The following SLC12A2 variants were observed in gnomAD, a reference collection of about 807,000 sequenced individuals.
SLC12A2 encodes the protein Na-K-2Cl cotransporter 1.
Under a neutral mutation model 136.3 loss-of-function variants are expected in SLC12A2, and 67 were observed. That is an observed-to-expected ratio of 0.49 (90% CI 0.40 to 0.60). SLC12A2 has a LOEUF of 0.60. SLC12A2 is among the 20% of genes least tolerant of loss of function. SLC12A2 has a pLI of 0.00. For synonymous variants in SLC12A2, 619 were observed against 562.9 expected, an observed-to-expected ratio of 1.10 and a Z score of -1.41; for missense variants, 1,322 against 1,534.7, an observed-to-expected ratio of 0.86 and a Z score of 2.32.
In SLC12A2 at chr5:128,177,169, A is replaced by G; in HGVS notation, c.2977+17A>G. 1 of 1,580,592 alleles carries G rather than the reference A, an allele frequency of 6.3e-7. No individual in the cohort carries two copies. The highest frequency in any genetic ancestry group is 2.3e-5 in the East Asian group (1 of 43,410). ...TGAAAAAAGGCAGGCATTTTTCATC[A>G]TTTTATTTTAAACCCTTTTTCATAC... On this transcript the variant is annotated intron_variant, in intron 21 of 26. Coordinates refer to ENST00000262461, the MANE Select transcript of SLC12A2 (RefSeq NM_001046.3).
intron 10 of SLC12A2, among the ~76,000 whole-genome samples, chr5:128,144,662 C>T (rs1296750505): frequency 2.0e-5 from 3 of 152,158 alleles, no homozygotes; most frequent in Admixed American, 6.6e-5. Context: ...CCTTCTGTTC[C>T]GAGTGGACTC....
At chr5:128,109,890 G>A in intron 1 of SLC12A2, 1 of 792,924 alleles carries the variant, frequency 1.3e-6, no homozygotes, top group South Asian at 1.3e-5. Flanking sequence ...CATGAGAATT[G>A]TGACTGGCCT....
At chr5:128,103,013 C>T (rs931059409) in intron 1 of SLC12A2, among the ~76,000 whole-genome samples, 1 of 151,998 alleles carries the variant, frequency 6.6e-6, no homozygotes, top group Non-Finnish European at 1.5e-5. Flanking sequence ...TGTGATGTTT[C>T]TAGTTTTTGA....
chr5:128,114,563 A>T, intron 3 of SLC12A2, 23 bp from the exon 4 acceptor site: 1 of 1,487,040 alleles, frequency 6.7e-7, no homozygotes. Context: ...AAGTATTCTC[A>T]TTGTCTTTCT....
intron 1 of SLC12A2, among the ~76,000 whole-genome samples, chr5:128,102,551 C>T (rs1180165039): frequency 1.5e-5 from 2 of 129,426 alleles, no homozygotes; most frequent in Non-Finnish European, 3.2e-5. Flanking sequence ...TAGTTTGTAA[C>T]ACTCATTTAT....
Position 128,166,758 on chromosome 5 carries a change from ATAAT to A in SLC12A2, c.2617-998_2617-995del, listed in dbSNP as rs531060729. ...GTGTTGCTTATATAACATTGTGAAT[ATAAT>A]TAATACTATTGAATTGTACACTTAA... On this transcript the variant is annotated intron_variant, in intron 17 of 26. Transcript: ENST00000262461. Among the ~76,000 whole-genome samples, 20 of 152,228 alleles carry A rather than the reference ATAAT, an allele frequency of 1.3e-4. No homozygotes were observed. In the South Asian group the frequency reaches 2.5e-3, roughly 19 times the overall value.
rs190276711 is a variant in SLC12A2 at position 128,093,098 on chromosome 5, A to G, written c.756+8388A>G. Reference sequence around the variant, plus strand: ...ATAGTTCTTGTTAAAGTCACAAGTGATCTCCATTCTTATCACAAATTTCAG... The same window carrying G: ...ATAGTTCTTGTTAAAGTCACAAGTGGTCTCCATTCTTATCACAAATTTCAG... On this transcript the variant is annotated intron_variant, in intron 1 of 26. Coordinates refer to ENST00000262461, the MANE Select transcript of SLC12A2 (RefSeq NM_001046.3). Among the ~76,000 whole-genome samples the G allele has an allele frequency of 5.0e-3, 766 of 152,046 alleles. 7 individuals carry two copies. Among genetic ancestry groups the G allele is most frequent in the African/African-American group, 0.017 (714 of 41,462 alleles).
At chr5:128,158,523 G>A (rs889211335) in intron 16 of SLC12A2, among the ~76,000 whole-genome samples, 1 of 152,156 alleles carries the variant, frequency 6.6e-6, no homozygotes, top group African/African-American at 2.4e-5. Flanking sequence ...TTCTGGAAAG[G>A]AAGTGATCTC....
chr5:128,124,201 G>T (rs1761692895), intron 4 of SLC12A2, among the ~76,000 whole-genome samples: 1 of 152,192 alleles, frequency 6.6e-6, no homozygotes. Context: ...ACTAGGATCT[G>T]TTTCTTGTTT....
At chr5:128,180,832 G>C (rs1763682804) in intron 22 of SLC12A2, 51 bp from the exon 23 acceptor site, 1 of 1,062,196 alleles carries the variant, frequency 9.4e-7, no homozygotes, top group Admixed American at 1.9e-5. Flanking sequence ...TGATGTTCCT[G>C]ATTAAGAAAT....
At chr5:128,094,293 C>T (rs1760442578) in intron 1 of SLC12A2, among the ~76,000 whole-genome samples, 1 of 151,352 alleles carries the variant, frequency 6.6e-6, no homozygotes, top group African/African-American at 2.4e-5. Context: ...TAATTCTTTA[C>T]ATATTAATGT....
chr5:128,178,479 A>G (rs1439754404), intron 21 of SLC12A2, 88 bp from the exon 22 acceptor site: 1 of 972,858 alleles, frequency 1.0e-6, no homozygotes. Flanking sequence ...ACATCTGAAT[A>G]TACAAACATT....
At chr5:128,131,682 C>T (rs1383770980) in intron 5 of SLC12A2, among the ~76,000 whole-genome samples, 8 of 151,040 alleles carry the variant, frequency 5.3e-5, no homozygotes, top group African/African-American at 1.2e-4. Context: ...CCAGCCTGGG[C>T]GACAGAGCAA....
chr5:128,164,602 CAA>C (rs1328683639), intron 17 of SLC12A2, among the ~76,000 whole-genome samples: 1 of 152,128 alleles, frequency 6.6e-6, no homozygotes, highest in African/African-American at 2.4e-5. Context: ...ACCTGTTACA[CAA>C]AGTGTCAAAT....
intron 1 of SLC12A2, among the ~76,000 whole-genome samples, chr5:128,102,461 A>G (rs1342124577): frequency 2.0e-5 from 3 of 151,828 alleles, no homozygotes; most frequent in African/African-American, 7.3e-5. Context: ...GAAGACTATT[A>G]GTCAGTTTTT....
chr5:128,169,513 C>T (rs1447856587), intron 18 of SLC12A2: 4 of 152,182 alleles, frequency 2.6e-5, no homozygotes, highest in African/African-American at 9.6e-5. Context: ...CAAGATTTAC[C>T]AACTAATCGT....
chr5:128,125,393 A>G (rs1055610923), intron 4 of SLC12A2, among the ~76,000 whole-genome samples: 6 of 152,062 alleles, frequency 3.9e-5, no homozygotes, highest in African/African-American at 1.4e-4. Flanking sequence ...AGTTTGGGCT[A>G]TTTGCTTGAT....
intron 18 of SLC12A2, chr5:128,169,674 T>G (rs1763308800): frequency 6.6e-6 from 1 of 152,172 alleles, no homozygotes; most frequent in African/African-American, 2.4e-5. Flanking sequence ...ACAGAAAGAT[T>G]AATGTGGTCC....
chr5:128,170,835 C>G (rs1763350094), intron 18 of SLC12A2: 1 of 152,056 alleles, frequency 6.6e-6, no homozygotes, highest in African/African-American at 2.4e-5. Context: ...AAAGGGATCG[C>G]TCCTGTAATC....
Sources: allele counts gnomAD v4.1 joint callset (sites outside exome capture counted in the v4.1 genomes callset), GRCh38; gene constraint gnomAD v4.1.1; transcripts MANE v1.5; gene names NCBI Gene and HGNC (gene_info 2026-07-23, HGNC 2026-07-21).